TDRD3: variants seen among roughly 807,000 people sequenced by gnomAD.
TDRD3 encodes tudor domain containing 3.
In TDRD3, 45 loss-of-function variants were observed where a neutral mutation model predicts 86.7. The observed-to-expected ratio is 0.52, with a 90% CI of 0.41 to 0.67. The LOEUF is 0.67. Among genes scored for constraint, TDRD3 ranks in the 30% least tolerant of loss-of-function variants. The pLI is 0.00. For missense variants in TDRD3, 814 were observed against 889.0 expected, an observed-to-expected ratio of 0.92 and a Z score of 1.07; for synonymous variants, 298 against 301.7, an observed-to-expected ratio of 0.99 and a Z score of 0.13.
chr13:60,454,281 T>G (rs962465865), intron 3 of TDRD3, among the ~76,000 whole-genome samples: 36 of 152,206 alleles, frequency 2.4e-4, no homozygotes, highest in African/African-American at 8.4e-4. Flanking sequence ...AGATACTTGT[T>G]CCTATTGGGT....
chr13:60,563,472 G>A (rs1320894014), intron 12 of TDRD3, among the ~76,000 whole-genome samples: 2 of 152,154 alleles, frequency 1.3e-5, no homozygotes, highest in Non-Finnish European at 2.9e-5. Context: ...AGTAGGAAGT[G>A]TCATTTGCCT....
chr13:60,523,718 A>G (rs953369142), intron 10 of TDRD3, among the ~76,000 whole-genome samples: 53 of 151,798 alleles, frequency 3.5e-4, no homozygotes, highest in African/African-American at 1.2e-3. Flanking sequence ...CTGGGACTAC[A>G]GGTGCATGCC....
chr13:60,435,616 G>A (rs1466793137), intron 1 of TDRD3, among the ~76,000 whole-genome samples: 1 of 152,132 alleles, frequency 6.6e-6, no homozygotes, highest in Admixed American at 6.6e-5. Context: ...CGTTTTTGTG[G>A]CTGAGTAGTA....
At chr13:60,447,548 A>G (rs924751703) in intron 3 of TDRD3, among the ~76,000 whole-genome samples, 1 of 152,204 alleles carries the variant, frequency 6.6e-6, no homozygotes, top group Non-Finnish European at 1.5e-5. Context: ...GTGAATCCTT[A>G]TTATGTCAGC....
At chr13:60,564,028 A>G (rs1002965928) in intron 12 of TDRD3, among the ~76,000 whole-genome samples, 5 of 152,224 alleles carry the variant, frequency 3.3e-5, no homozygotes, top group African/African-American at 9.6e-5. Flanking sequence ...TTTGGCGTCA[A>G]TGATTATTGC....
intron 4 of TDRD3, 89 bp from the exon 5 acceptor site, chr13:60,467,149 C>G (rs1161782597): frequency 2.3e-5 from 34 of 1,488,216 alleles, no homozygotes; most frequent in Non-Finnish European, 3.0e-5. Context: ...ACCCCACTGC[C>G]TGACAGGCCC....
chr13:60,448,772 T>A (rs1955465368), intron 3 of TDRD3, among the ~76,000 whole-genome samples: 1 of 152,188 alleles, frequency 6.6e-6, no homozygotes, highest in Non-Finnish European at 1.5e-5. Context: ...ATGGAAAAAG[T>A]CATGATAAAA....
At chr13:60,404,236 G>GA (rs143883870) in intron 1 of TDRD3, among the ~76,000 whole-genome samples, 14 of 151,422 alleles carry the variant, frequency 9.2e-5, no homozygotes, top group African/African-American at 3.4e-4. Flanking sequence ...TTTGGCTAAG[G>GA]AAAAAACAAG....
At chr13:60,540,955 A>T (rs1957796074) in intron 12 of TDRD3, among the ~76,000 whole-genome samples, 2 of 152,156 alleles carry the variant, frequency 1.3e-5, no homozygotes, top group African/African-American at 4.8e-5. Context: ...TTATTTTAAT[A>T]ATAATGCATC....
intron 8 of TDRD3, among the ~76,000 whole-genome samples, chr13:60,502,998 G>C (rs1315057259): frequency 2.0e-5 from 3 of 152,174 alleles, no homozygotes; most frequent in African/African-American, 7.2e-5. Context: ...AAACAAACAT[G>C]CTCCAAACTT....
intron 5 of TDRD3, among the ~76,000 whole-genome samples, chr13:60,479,516 T>G (rs1956267378): frequency 6.6e-6 from 1 of 152,198 alleles, no homozygotes; most frequent in Admixed American, 6.5e-5. Flanking sequence ...TAGGTCCAAT[T>G]GATTGGGTGT....
At chr13:60,483,735 T>C (rs755613802) in intron 5 of TDRD3, 40 bp from the exon 6 acceptor site, 1 of 1,545,274 alleles carries the variant, frequency 6.5e-7, no homozygotes, top group Non-Finnish European at 8.8e-7. Context: ...ATATATTTTT[T>C]ATGTATAACT....
intron 3 of TDRD3, among the ~76,000 whole-genome samples, chr13:60,453,709 C>G (rs1445703877): frequency 6.6e-6 from 1 of 152,176 alleles, no homozygotes; most frequent in African/African-American, 2.4e-5. Context: ...CTGGAATGCT[C>G]CCTGGTGAGG....
chr13:60,534,562 A>ATT (rs35819304), intron 11 of TDRD3, among the ~76,000 whole-genome samples: 2 of 149,806 alleles, frequency 1.3e-5, no homozygotes, highest in Admixed American at 6.7e-5. Flanking sequence ...CTTTTTTGCA[A>ATT]TTTTTTTTTT....
At chr13:60,517,900 C>T (rs1240223772) in intron 10 of TDRD3, among the ~76,000 whole-genome samples, 1 of 152,154 alleles carries the variant, frequency 6.6e-6, no homozygotes, top group Non-Finnish European at 1.5e-5. Context: ...ACATTTGTTA[C>T]TGCATTTTAC....
chr13:60,454,160 T>A (rs1258750627), intron 3 of TDRD3, among the ~76,000 whole-genome samples: 1 of 152,188 alleles, frequency 6.6e-6, no homozygotes, highest in Non-Finnish European at 1.5e-5. Flanking sequence ...GGATTTCTAA[T>A]TCAGTTACGT....
intron 10 of TDRD3, among the ~76,000 whole-genome samples, chr13:60,520,221 A>C (rs2137720255): frequency 6.6e-6 from 1 of 152,352 alleles, no homozygotes; most frequent in East Asian, 1.9e-4. Context: ...TATACAAATT[A>C]TAATTGAAAG....
Position 60,560,163 on chromosome 13 carries a change from A to G in TDRD3, c.2119-7362A>G, listed in dbSNP as rs530418025. Among the ~76,000 whole-genome samples, 11 of 152,314 alleles carry G rather than the reference A, an allele frequency of 7.2e-5. No homozygotes were observed. In the South Asian group the frequency reaches 2.1e-3, roughly 29 times the overall value. ...GCAATGAAAAGAACTTCAGGTGTAC[A>G]GCCTAAAGGTCTCACTGAAGCATGG... On this transcript the variant is annotated intron_variant, in intron 12 of 13. Transcript: ENST00000377881.
chr13:60,439,156 A>G (rs1955194458), intron 1 of TDRD3, among the ~76,000 whole-genome samples: 1 of 152,160 alleles, frequency 6.6e-6, no homozygotes, highest in Non-Finnish European at 1.5e-5. Flanking sequence ...GTATTGTAAA[A>G]AGTTGCCTAT....
Sources: gnomAD v4.1 joint callset for allele counts (sites outside exome capture counted in the v4.1 genomes callset) on GRCh38, gnomAD v4.1.1 for gene constraint, MANE v1.5 for transcripts, NCBI Gene and HGNC (gene_info 2026-07-23, HGNC 2026-07-21) for gene names.